The following JARID2 variants were observed in gnomAD, a reference collection of about 807,000 sequenced individuals.
The protein encoded by JARID2 is protein Jumonji.
In JARID2, 21 loss-of-function variants were observed where a neutral mutation model predicts 125.6. That is an observed-to-expected ratio of 0.17 (90% CI 0.12 to 0.24). JARID2 has a LOEUF of 0.24. Among genes scored for constraint, JARID2 ranks in the 10% least tolerant of loss-of-function variants. The pLI is 1.00. For synonymous variants in JARID2, 736 were observed against 661.6 expected (o/e 1.11, Z -1.73); for missense variants, 1,303 against 1,639.6 (o/e 0.79, Z 3.55).
At chr6:15,367,356 A>G (rs901838078) in intron 1 of JARID2, among the ~76,000 whole-genome samples, 2 of 152,258 alleles carry the variant, frequency 1.3e-5, no homozygotes, top group African/African-American at 4.8e-5. Context: ...AACAAATTGC[A>G]TAACGATGGT....
chr6:15,324,651 G>GTT lies in JARID2; in HGVS notation c.46-49452_46-49451dup, dbSNP rs1199393638. 6.3e-3 allele frequency among the ~76,000 whole-genome samples: 916 copies of GTT among 144,524 alleles called. 11 individuals are homozygous for GTT. The highest frequency in any genetic ancestry group is 0.022 in the African/African-American group (856 of 39,610). 94.8% of individuals were successfully genotyped at this position (144,524 alleles called of 152,430 possible). A position where few individuals can be genotyped will look rare whatever the true frequency, so the allele number is the denominator to read the frequency against. ...ACCACCACGCCTGGCTGATTTTTGT[G>GTT]TTTTTTTTTTTTTTTGGTAGTTTTG... is the stretch of plus-strand genomic sequence containing the variant. On this transcript the variant is annotated intron_variant, in intron 1 of 17. Transcript: ENST00000341776.
intron 1 of JARID2, among the ~76,000 whole-genome samples, chr6:15,285,483 TAACTA>T (rs1287375265): frequency 6.6e-6 from 1 of 152,178 alleles, no homozygotes; most frequent in Non-Finnish European, 1.5e-5. Context: ...GGAAGTCAGT[TAACTA>T]GGTTATTACT....
chr6:15,261,102 T>TA (rs1759854479), intron 1 of JARID2, among the ~76,000 whole-genome samples: 1 of 152,206 alleles, frequency 6.6e-6, no homozygotes, highest in African/African-American at 2.4e-5. Flanking sequence ...GCAAAGCTTT[T>TA]ACAGCCAAAC....
At chr6:15,252,449 G>A (rs185716170) in intron 1 of JARID2, among the ~76,000 whole-genome samples, 3 of 152,242 alleles carry the variant, frequency 2.0e-5, no homozygotes, top group Admixed American at 2.0e-4. Context: ...CTCCCTGTCT[G>A]CTTCATGCCA....
At chr6:15,413,581 C>T (rs973960177) in intron 3 of JARID2, among the ~76,000 whole-genome samples, 1 of 152,032 alleles carries the variant, frequency 6.6e-6, no homozygotes, top group Non-Finnish European at 1.5e-5. Flanking sequence ...GTGCTAAGCT[C>T]GGTTTTTGTT....
chr6:15,264,634 TGTGTGTGA>T (rs1239886079), intron 1 of JARID2, among the ~76,000 whole-genome samples: 1 of 150,720 alleles, frequency 6.6e-6, no homozygotes, highest in African/African-American at 2.4e-5. Context: ...TGTGTGTGTG[TGTGTGTGA>T]GAGAGAGAGA....
chr6:15,400,351 AGCT>A, intron 2 of JARID2, among the ~76,000 whole-genome samples: 1 of 152,206 alleles, frequency 6.6e-6, no homozygotes, highest in Non-Finnish European at 1.5e-5. Context: ...CTGTCTGGAG[AGCT>A]GCCCAGGTTT....
At chr6:15,380,719 A>G (rs1309065724) in intron 2 of JARID2, among the ~76,000 whole-genome samples, 1 of 152,196 alleles carries the variant, frequency 6.6e-6, no homozygotes, top group Non-Finnish European at 1.5e-5. Flanking sequence ...AACTCCTTTC[A>G]GAATCTTTCA....
chr6:15,398,998 G>C (rs965858149), intron 2 of JARID2, among the ~76,000 whole-genome samples: 7 of 152,218 alleles, frequency 4.6e-5, no homozygotes, highest in Admixed American at 2.0e-4. Flanking sequence ...GATCATTGAA[G>C]CAGCCAAAAG....
intron 1 of JARID2, among the ~76,000 whole-genome samples, chr6:15,321,810 T>A (rs1762368376): frequency 4.4e-5 from 4 of 91,042 alleles, no homozygotes; most frequent in African/African-American, 1.7e-4. Flanking sequence ...TTTTTTTTTT[T>A]GAGATGGAGT....
chr6:15,435,823 AT>A lies in JARID2; in HGVS notation c.324-16169del, dbSNP rs34822462. Among the ~76,000 whole-genome samples the A allele has an allele frequency of 6.6e-3, 970 of 146,428 alleles. 6 individuals carry two copies. Among genetic ancestry groups the A allele is most frequent in the Middle Eastern group, 0.025 (7 of 276 alleles). The stretch of plus-strand genomic sequence containing the variant: ...TCAGTGCCTTGAGGATGAATTCCAA[AT>A]TTTTTTTTTTTTTAAACTTTGAACT... On this transcript the variant is annotated intron_variant, in intron 3 of 17. Coordinates refer to ENST00000341776, the MANE Select transcript of JARID2 (RefSeq NM_004973.4).
At chr6:15,398,212 T>G (rs931822188) in intron 2 of JARID2, among the ~76,000 whole-genome samples, 1 of 152,246 alleles carries the variant, frequency 6.6e-6, no homozygotes, top group African/African-American at 2.4e-5. Flanking sequence ...GGTTCACAGA[T>G]ATTCTTTATA....
intron 1 of JARID2, among the ~76,000 whole-genome samples, chr6:15,373,717 G>A (rs1201847326): frequency 6.6e-6 from 1 of 152,182 alleles, no homozygotes; most frequent in African/African-American, 2.4e-5. Context: ...ACATATTTCT[G>A]TTGCAGTGTA....
Position 15,496,763 on chromosome 6 carries a change from C to G in JARID2, c.1538C>G (p.Ala513Gly), listed in dbSNP as rs768754068. The change falls in exon 7 of 18, where the codon GCA becomes GGA. Residue 513 changes from alanine (A) to glycine (G), a missense_variant. Ala to Gly is a moderately conservative substitution (Grantham distance 60). Coordinates refer to ENST00000341776, the MANE Select transcript of JARID2 (RefSeq NM_004973.4). ...GGGAAGAGCACGCCAGGCAGACAAG[C>G]ACATGGCAAGGCGGACAGCGCCTCC... The part of the protein sequence containing the change: ...TAGKSTPGRQ[A>G]HGKADSASCE... The G allele has an allele frequency of 6.2e-7, 1 of 1,613,472 alleles. No homozygotes were observed. The highest frequency in any genetic ancestry group is 2.2e-5 in the East Asian group (1 of 44,876).
At chr6:15,497,793 C>T (rs976681383) in intron 7 of JARID2, among the ~76,000 whole-genome samples, 1 of 152,168 alleles carries the variant, frequency 6.6e-6, no homozygotes, top group Admixed American at 6.5e-5. Flanking sequence ...GGGAGCGCTG[C>T]CCCTCTGGAT....
At chr6:15,507,050 T>C (rs1159882750) in intron 9 of JARID2, 86 bp from the exon 10 acceptor site, 2 of 816,654 alleles carry the variant, frequency 2.4e-6, no homozygotes, top group Non-Finnish European at 4.3e-6. Flanking sequence ...CACCAGGCAT[T>C]CGTGTCCCAG....
chr6:15,477,514 T>G (rs1239630603), intron 5 of JARID2, among the ~76,000 whole-genome samples: 1 of 151,142 alleles, frequency 6.6e-6, no homozygotes, highest in African/African-American at 2.4e-5. Context: ...GTTTTTTTTT[T>G]TTTTTTTTTT....
intron 1 of JARID2, among the ~76,000 whole-genome samples, chr6:15,352,784 ATAAT>A: frequency 6.6e-6 from 1 of 152,182 alleles, no homozygotes; most frequent in Middle Eastern, 3.2e-3. Context: ...TTCACTGTAA[ATAAT>A]GTGTACAGTG....
intron 2 of JARID2, among the ~76,000 whole-genome samples, chr6:15,397,378 C>T (rs1254606916): frequency 6.6e-6 from 1 of 152,272 alleles, no homozygotes. Flanking sequence ...GCACCATAAC[C>T]TTGTACTCTC....
Sources: allele counts gnomAD v4.1 joint callset (sites outside exome capture counted in the v4.1 genomes callset), GRCh38; gene constraint gnomAD v4.1.1; transcripts MANE v1.5; gene names NCBI Gene and HGNC (gene_info 2026-07-23, HGNC 2026-07-21).